Variants in NRIP1 observed in about 807,000 individuals in gnomAD.
The protein encoded by NRIP1 is nuclear receptor interacting protein 1.
NRIP1 carries 28 observed loss-of-function variants against 75.0 expected under a neutral mutation model. The observed-to-expected ratio is 0.37, with a 90% CI of 0.28 to 0.51. The LOEUF (loss-of-function observed/expected upper bound fraction) is 0.51. Among genes scored for constraint, NRIP1 ranks in the 20% least tolerant of loss-of-function variants. NRIP1 has a pLI of 0.92. For missense variants in NRIP1, 1,435 were observed against 1,343.7 expected (o/e 1.07, Z -1.06); for synonymous variants, 526 against 487.6 (o/e 1.08, Z -1.04).
chr21:15,050,696 A>G, intron 1 of NRIP1: 1 of 455,760 alleles, frequency 2.2e-6, no homozygotes, highest in South Asian at 1.5e-5. Context: ...TATGTTTCTT[A>G]TTTTCTGTAT....
chr21:15,003,031 T>C (rs1197638715), intron 3 of NRIP1, among the ~76,000 whole-genome samples: 1 of 152,222 alleles, frequency 6.6e-6, no homozygotes, highest in Non-Finnish European at 1.5e-5. Flanking sequence ...TGGTTAATCT[T>C]ATAAATCTAG....
At chr21:14,978,906 A>G (rs1349370811) in intron 3 of NRIP1, among the ~76,000 whole-genome samples, 2 of 151,634 alleles carry the variant, frequency 1.3e-5, no homozygotes, top group Non-Finnish European at 2.9e-5. Flanking sequence ...CAAAAACACA[A>G]TACATTTCTG....
chr21:14,965,277 G>A lies in NRIP1; in HGVS notation c.2916C>T (p.Ser972=). The change falls in exon 4 of 4, where the codon AGC becomes AGT. Residue 972 remains serine (S), a synonymous_variant. Coordinates refer to ENST00000318948, the MANE Select transcript of NRIP1 (RefSeq NM_003489.4). The stretch of plus-strand genomic sequence containing the variant: ...AAGAAGAAATGCTAAATTCAGGTTT[G>A]CTGTTGGTCACATTATTTTTGTGTC... ...KKGHKNNVTN[S]KPEFSISSLN... is the part of the protein sequence containing the mutation. The A allele has an allele frequency of 6.2e-7, 1 of 1,614,040 alleles. No homozygotes were observed. The highest frequency in any genetic ancestry group is 1.6e-4 in the Middle Eastern group (1 of 6,062).
chr21:15,029,370 T>G (rs1393214554), intron 2 of NRIP1, among the ~76,000 whole-genome samples: 1 of 152,134 alleles, frequency 6.6e-6, no homozygotes, highest in Non-Finnish European at 1.5e-5. Flanking sequence ...GCTCCCATGC[T>G]GACTCAGCCT....
chr21:15,024,933 A>T (rs546463447), intron 2 of NRIP1, among the ~76,000 whole-genome samples: 1 of 152,342 alleles, frequency 6.6e-6, no homozygotes, highest in South Asian at 2.1e-4. Flanking sequence ...CCTTATTGTC[A>T]ATCACAGAAA....
At chr21:14,999,271 C>T (rs2087799312) in intron 3 of NRIP1, among the ~76,000 whole-genome samples, 1 of 152,146 alleles carries the variant, frequency 6.6e-6, no homozygotes, top group Non-Finnish European at 1.5e-5. Flanking sequence ...ACCACTATGC[C>T]TGGCCACTGT....
intron 1 of NRIP1, chr21:15,051,227 C>T (rs1452027452): frequency 8.1e-6 from 2 of 245,474 alleles, no homozygotes; most frequent in African/African-American, 4.5e-5. Context: ...TCCTGGGTCT[C>T]CTTTTCACAT....
intron 2 of NRIP1, among the ~76,000 whole-genome samples, chr21:15,036,254 T>C (rs1421254881): frequency 6.6e-6 from 1 of 152,128 alleles, no homozygotes; most frequent in Non-Finnish European, 1.5e-5. Flanking sequence ...AGATGGCCAA[T>C]AAAGTTAACT....
rs1244577735 is a variant in NRIP1 at position 14,968,399 on chromosome 21, T to C, written c.-207A>G. On this transcript the variant is annotated 5_prime_UTR_variant, in exon 4 of 4. Transcript: ENST00000318948. The stretch of plus-strand genomic sequence containing the variant: ...TCTGACCACAGTGCTGATCAACTTC[T>C]ACGCAAGGAGGAGGAGAAGAATTCC... The C allele has an allele frequency of 1.5e-5, 8 of 536,118 alleles. No homozygotes were observed. The highest frequency in any genetic ancestry group is 2.7e-5 in the Non-Finnish European group (8 of 297,660). The allele number at this position is 536,118 out of a possible 1,614,324, so 33.2% of individuals were successfully genotyped here. A position where few individuals can be genotyped will look rare whatever the true frequency, so the allele number is the denominator to read the frequency against.
chr21:14,974,744 C>G (rs2087003270), intron 3 of NRIP1, among the ~76,000 whole-genome samples: 1 of 152,142 alleles, frequency 6.6e-6, no homozygotes, highest in African/African-American at 2.4e-5. Context: ...TATGAAAATA[C>G]TATACTTACT....
intron 3 of NRIP1, among the ~76,000 whole-genome samples, chr21:15,000,213 A>G (rs145327677): frequency 8.7e-4 from 132 of 152,318 alleles, no homozygotes; most frequent in Non-Finnish European, 1.6e-3. Context: ...GAGTACTTTC[A>G]AAAGAGCAAC....
At chr21:15,000,478 G>GA (rs529454002) in intron 3 of NRIP1, among the ~76,000 whole-genome samples, 17 of 149,446 alleles carry the variant, frequency 1.1e-4, no homozygotes, top group African/African-American at 2.5e-4. Flanking sequence ...AAATAAATAA[G>GA]AAAAAAAAAG....
intron 2 of NRIP1, among the ~76,000 whole-genome samples, chr21:15,022,782 G>A (rs2088409945): frequency 6.6e-6 from 1 of 152,264 alleles, no homozygotes; most frequent in East Asian, 1.9e-4. Context: ...AAGTTACGAC[G>A]TGACCCAGGA....
rs372358669 is a variant in NRIP1, at chr21:14,965,198, T to C, written c.2995A>G (p.Thr999Ala). The change falls in exon 4 of 4, where the codon ACA (threonine) becomes GCA (alanine). Residue 999 changes from threonine (T) to alanine (A), a missense_variant. Coordinates refer to ENST00000318948, the MANE Select transcript of NRIP1 (RefSeq NM_003489.4). The part of the protein sequence containing the change: ...TQPSSCMDNR[T>A]FSYPGVVKTP... ...TTTACTACACCTGGGTATGAAAATGTCCTGTTATCCATGCAACTGCTGGGC... is the reference window on the plus strand; with the variant it reads ...TTTACTACACCTGGGTATGAAAATGCCCTGTTATCCATGCAACTGCTGGGC... 1.7e-5 allele frequency: 27 copies of C among 1,613,754 alleles called. No homozygotes were observed. The African/African-American group carries it at 3.3e-4, about 20-fold the overall frequency.
At chr21:15,047,226 G>A (rs989844738) in intron 1 of NRIP1, among the ~76,000 whole-genome samples, 7 of 152,148 alleles carry the variant, frequency 4.6e-5, no homozygotes, top group Non-Finnish European at 2.9e-5. Context: ...GCCAAGCAAA[G>A]TGGGAAAAGC....
chr21:15,061,098 C>G (rs1441384545), intron 1 of NRIP1, among the ~76,000 whole-genome samples: 1 of 152,134 alleles, frequency 6.6e-6, no homozygotes, highest in Non-Finnish European at 1.5e-5. Flanking sequence ...CTTTTTAGTT[C>G]ACAGATTCAA....
rs1371634588 is a variant in NRIP1, at chr21:14,961,857, A to C, written c.*2859T>G. ...TGTCTGATTATATTTACACTTATAC[A>C]TGGAATATACAGGAACCAAAGAGAT... On this transcript the variant is annotated 3_prime_UTR_variant, in exon 4 of 4. Transcript: ENST00000318948. 1 of 152,178 alleles carries C rather than the reference A, an allele frequency of 6.6e-6. No homozygotes were observed. The highest frequency in any genetic ancestry group is 1.9e-4 in the East Asian group (1 of 5,196). 9.4% of individuals were successfully genotyped at this position (152,178 alleles called of 1,614,324 possible).
Position 15,060,213 on chromosome 21 carries a change from G to C in NRIP1, c.-538+4532C>G, listed in dbSNP as rs189713149. On this transcript the variant is annotated intron_variant, in intron 1 of 3. Coordinates refer to ENST00000318948, the MANE Select transcript of NRIP1 (RefSeq NM_003489.4). ...TTAAAACTGCATTTCATAACTCGTA[G>C]TAAAACAAAAGGAAAGTTCTGTTTT... Among the ~76,000 whole-genome samples, 18 of 152,184 alleles carry C rather than the reference G, an allele frequency of 1.2e-4. No individual in the cohort carries two copies. In the East Asian group the frequency reaches 2.9e-3, roughly 24 times the overall value.
chr21:15,020,501 T>C (rs1441206119), intron 2 of NRIP1, among the ~76,000 whole-genome samples: 3 of 152,198 alleles, frequency 2.0e-5, no homozygotes, highest in African/African-American at 4.8e-5. Context: ...GAAGAAGGAA[T>C]AGGATAAACT....
Sources: allele counts gnomAD v4.1 joint callset (sites outside exome capture counted in the v4.1 genomes callset), GRCh38; gene constraint gnomAD v4.1.1; transcripts MANE v1.5; gene names NCBI Gene and HGNC (gene_info 2026-07-23, HGNC 2026-07-21).